Variants in CEP85L observed in about 807,000 individuals in gnomAD.
CEP85L encodes centrosomal protein 85L.
In CEP85L, 60 loss-of-function variants were observed where a neutral mutation model predicts 100.3. The observed-to-expected ratio is 0.60, with a 90% CI of 0.49 to 0.74. CEP85L has a LOEUF of 0.74. Ranked by LOEUF, CEP85L falls within the 30% of genes least tolerant of loss-of-function variation. The pLI, the probability that CEP85L is intolerant of heterozygous loss-of-function variation, is 0.00. For missense variants in CEP85L, 973 were observed against 936.2 expected, an observed-to-expected ratio of 1.04 and a Z score of -0.51; for synonymous variants, 319 against 322.7, an observed-to-expected ratio of 0.99 and a Z score of 0.12.
intron 2 of CEP85L, among the ~76,000 whole-genome samples, chr6:118,566,531 C>T (rs551232506): frequency 5.9e-5 from 9 of 152,244 alleles, no homozygotes; most frequent in African/African-American, 2.2e-4. Context: ...GACTCTCCTG[C>T]CTCAGCCTCC....
At chr6:118,621,028 G>A (rs778680241) in intron 2 of CEP85L, among the ~76,000 whole-genome samples, 1 of 152,196 alleles carries the variant, frequency 6.6e-6, no homozygotes, top group Admixed American at 6.5e-5. Context: ...AGGACAATTC[G>A]GTAGGGCAAA....
chr6:118,524,316 C>T (rs368372286), intron 3 of CEP85L, among the ~76,000 whole-genome samples: 8 of 152,150 alleles, frequency 5.3e-5, no homozygotes, highest in African/African-American at 1.9e-4. Context: ...TGGTGGCAGG[C>T]GCCTGTAGTC....
intron 2 of CEP85L, among the ~76,000 whole-genome samples, chr6:118,621,020 G>A (rs1773405800): frequency 6.6e-6 from 1 of 152,126 alleles, no homozygotes; most frequent in Non-Finnish European, 1.5e-5. Context: ...GCAATGGAAG[G>A]ACAATTCGGT....
chr6:118,570,275 G>A (rs2115021956), intron 2 of CEP85L, among the ~76,000 whole-genome samples: 1 of 152,228 alleles, frequency 6.6e-6, no homozygotes, highest in East Asian at 1.9e-4. Context: ...TCAAACTTCT[G>A]CAAAGGTATT....
chr6:118,609,092 G>A (rs1368026032), intron 2 of CEP85L, among the ~76,000 whole-genome samples: 1 of 152,146 alleles, frequency 6.6e-6, no homozygotes, highest in South Asian at 2.1e-4. Context: ...CCAATATATA[G>A]ATGTTTTTAG....
At chr6:118,569,648 T>C (rs1267025101) in intron 2 of CEP85L, among the ~76,000 whole-genome samples, 2 of 151,732 alleles carry the variant, frequency 1.3e-5, no homozygotes, top group Admixed American at 6.6e-5. Flanking sequence ...ACACATAAAA[T>C]ACACAGAAGA....
intron 5 of CEP85L, among the ~76,000 whole-genome samples, chr6:118,493,244 TACAG>T (rs2114618468): frequency 6.6e-6 from 1 of 152,290 alleles, no homozygotes; most frequent in Admixed American, 6.5e-5. Flanking sequence ...AAAAAGTAGA[TACAG>T]AGAGTTATCA....
At chr6:118,481,222 G>T (rs978125917) in intron 8 of CEP85L, among the ~76,000 whole-genome samples, 2 of 150,468 alleles carry the variant, frequency 1.3e-5, no homozygotes, top group Non-Finnish European at 3.0e-5. Context: ...CCCCTTTTTC[G>T]TTATTTAGAA....
chr6:118,612,395 C>A (rs916943803), intron 2 of CEP85L, among the ~76,000 whole-genome samples: 11 of 151,802 alleles, frequency 7.2e-5, no homozygotes, highest in African/African-American at 2.7e-4. Flanking sequence ...CGGTGGCTCA[C>A]ACCTATAATC....
intron 3 of CEP85L, among the ~76,000 whole-genome samples, chr6:118,543,433 A>G (rs1466373002): frequency 6.6e-6 from 1 of 152,158 alleles, no homozygotes; most frequent in Non-Finnish European, 1.5e-5. Flanking sequence ...CAGTGTGTAG[A>G]GCTTAAAAAA....
chr6:118,502,220 G>C (rs1775348418), intron 5 of CEP85L: 1 of 691,172 alleles, frequency 1.4e-6, no homozygotes, highest in East Asian at 2.6e-5. Context: ...GGACCCTGGA[G>C]TTCTTATGTA....
intron 3 of CEP85L, chr6:118,560,659 C>T (rs1051429): frequency 0.68 from 113,982 of 166,690 alleles, 39,687 homozygotes; most frequent in Middle Eastern, 0.74. Context: ...ATCTATTTTG[C>T]AGTCCACTCT....
intron 10 of CEP85L, among the ~76,000 whole-genome samples, chr6:118,476,526 T>C (rs956674830): frequency 3.3e-5 from 5 of 152,168 alleles, no homozygotes; most frequent in South Asian, 2.1e-4. Flanking sequence ...ATTAAAGCAA[T>C]TGATATTTAA....
intron 3 of CEP85L, chr6:118,559,132 G>C (rs1269066836): frequency 7.5e-7 from 1 of 1,341,414 alleles, no homozygotes; most frequent in Admixed American, 1.7e-5. Flanking sequence ...CTTAAAATCT[G>C]TCATCCCATG....
chr6:118,700,361 G>T (rs1688629), intron 1 of CEP85L, among the ~76,000 whole-genome samples: 8,284 of 152,290 alleles, frequency 0.054, 439 homozygotes, highest in African/African-American at 0.14. Context: ...CATTTGGAAT[G>T]AAATACTACT....
At chr6:118,614,711 C>T (rs1015163609) in intron 2 of CEP85L, among the ~76,000 whole-genome samples, 1 of 152,134 alleles carries the variant, frequency 6.6e-6, no homozygotes, top group Non-Finnish European at 1.5e-5. Context: ...GGTGGTGGCA[C>T]ATGCCTGTAA....
At chr6:118,518,023 G>A (rs1465689604) in intron 4 of CEP85L, among the ~76,000 whole-genome samples, 2 of 152,086 alleles carry the variant, frequency 1.3e-5, no homozygotes, top group African/African-American at 2.4e-5. Context: ...TTTATGTGAT[G>A]GATTACATTT....
chr6:118,554,165 G>C (rs1245594119), intron 3 of CEP85L, among the ~76,000 whole-genome samples: 2 of 152,110 alleles, frequency 1.3e-5, no homozygotes, highest in Non-Finnish European at 2.9e-5. Flanking sequence ...GCGCACACCT[G>C]TGGTCTCAGC....
rs190345418 is a variant in CEP85L at position 118,487,376 on chromosome 6, G to A, written c.1438-3518C>T. On this transcript the variant is annotated intron_variant, in intron 6 of 12. Transcript: ENST00000368491. ...GATTTATATTTTAAAGACCTGGAGA[G>A]TAGTGTCAGCAAGATGGCAGAAAAG... Among the ~76,000 whole-genome samples, 7 of 152,274 alleles carry A rather than the reference G, an allele frequency of 4.6e-5. No homozygotes were observed. The East Asian group carries it at 7.7e-4, about 17-fold the overall frequency.
Sources: allele counts gnomAD v4.1 joint callset (sites outside exome capture counted in the v4.1 genomes callset), GRCh38; gene constraint gnomAD v4.1.1; transcripts MANE v1.5; gene names NCBI Gene and HGNC (gene_info 2026-07-23, HGNC 2026-07-21).